The following FBXL15 variants were observed in gnomAD, a reference collection of about 807,000 sequenced individuals.
FBXL15 encodes the protein F-box and leucine rich repeat protein 15, also known as F-box/LRR-repeat protein 15.
In FBXL15, 19 loss-of-function variants were observed where a neutral mutation model predicts 23.6. The ratio of observed to expected loss-of-function variants is 0.81; its 90% confidence interval spans 0.56 to 1.18. FBXL15 has a LOEUF of 1.18. FBXL15 is among the 50% of genes most tolerant of loss of function. The pLI, the probability that FBXL15 is intolerant of heterozygous loss-of-function variation, is 0.00. For missense variants in FBXL15, 385 were observed against 425.4 expected, an observed-to-expected ratio of 0.91 and a Z score of 0.83; for synonymous variants, 224 against 207.7, an observed-to-expected ratio of 1.08 and a Z score of -0.67.
chr10:102,422,671 C>T (rs1028598894), intron 3 of FBXL15, 133 bp from the exon 4 acceptor site: 5 of 975,298 alleles, frequency 5.1e-6, no homozygotes, highest in Non-Finnish European at 7.4e-6. Flanking sequence ...AAAAGTATGC[C>T]CCTGCCCCGA....
In FBXL15 at chr10:102,421,367, C is replaced by T. The variant is rs1251508086; in HGVS notation, c.67C>T (p.Pro23Ser). The change falls in exon 2 of 4, where the codon CCC becomes TCC. Residue 23 changes from proline (P) to serine (S), a missense_variant. Physicochemically the swap from Pro to Ser is moderately conservative, Grantham distance 74. Around this residue, in one of 2 missense-constraint regions of FBXL15, gnomAD observed 130 missense variants for 95.1 expected, o/e 1.37. Coordinates refer to ENST00000369956, the MANE Select transcript of FBXL15 (RefSeq NM_024326.4). ...EPGAVRFLDL[P>S]WEDVLLPHVL... ...CTTTACTCGCAGGTTCCTGGACCTG[C>T]CCTGGGAAGACGTGCTGCTCCCACA... is the stretch of plus-strand genomic sequence containing the variant. 6.4e-7 allele frequency: 1 copy of T among 1,560,988 alleles called. No individual in the cohort carries two copies. Among genetic ancestry groups the T allele is most frequent in the Non-Finnish European group, 8.7e-7 (1 of 1,153,020 alleles).
rs1565233428 is a variant in FBXL15 at position 102,421,004 on chromosome 10, C to A, written c.-126C>A. On this transcript the variant is annotated 5_prime_UTR_variant, in exon 1 of 4. Coordinates refer to ENST00000369956, the MANE Select transcript of FBXL15 (RefSeq NM_024326.4). Reference sequence around the variant, plus strand: ...GGGTCCACCCGAAAAGCTTTCAGATCGGATCCTCGGTGAGACGGCACTCGA... The same window carrying A: ...GGGTCCACCCGAAAAGCTTTCAGATAGGATCCTCGGTGAGACGGCACTCGA... 1.9e-6 allele frequency: 3 copies of A among 1,542,222 alleles called. No individual in the cohort carries two copies. Among genetic ancestry groups the A allele is most frequent in the South Asian group, 2.4e-5 (2 of 82,954 alleles).
chr10:102,422,752 A>G, intron 3 of FBXL15, 52 bp from the exon 4 acceptor site: 12 of 1,543,822 alleles, frequency 7.8e-6, no homozygotes, highest in Non-Finnish European at 9.6e-6. Context: ...ACCTTACCCC[A>G]CCAAAGGTGT....
intron 3 of FBXL15, 124 bp downstream of exon 3, chr10:102,422,416 A>G (rs2061575056): frequency 1.6e-6 from 2 of 1,213,942 alleles, no homozygotes; most frequent in Non-Finnish European, 2.2e-6. Flanking sequence ...CAGCACCCCC[A>G]TTCTGAACAG....
At position 102,422,285 on chromosome 10, in the gene FBXL15, G is replaced by C. The variant is rs778208481; in HGVS notation, c.706G>C (p.Gly236Arg). Residue 236 changes from glycine (G) to arginine (R), a missense_variant, in exon 3 of 4, where the codon GGT becomes CGT. Gly to Arg is a moderately radical substitution (Grantham distance 125). Transcript: ENST00000369956. The stretch of plus-strand genomic sequence containing the variant: ...CGGCTGCCTCCGCGTCGGAAGCGAC[G>C]GTGTCAGGTGCCTGGGCCTGATAGG... Reference protein sequence around the residue: ...LTGCLRVGSDGVRTLAEYCPV... With the variant: ...LTGCLRVGSDRVRTLAEYCPV... The C allele has an allele frequency of 5.2e-5, 78 of 1,497,206 alleles. No individual in the cohort carries two copies. The highest frequency in any genetic ancestry group is 6.9e-5 in the Non-Finnish European group (78 of 1,124,000). The allele number at this position is 1,497,206 out of a possible 1,614,324, so 92.7% of individuals were successfully genotyped here.
chr10:102,420,988 C>G lies in FBXL15; in HGVS notation c.-142C>G. 2 of 1,533,940 alleles carry G rather than the reference C, an allele frequency of 1.3e-6. No individual in the cohort carries two copies. Among genetic ancestry groups the G allele is most frequent in the Non-Finnish European group, 1.8e-6 (2 of 1,137,868 alleles). On this transcript the variant is annotated 5_prime_UTR_variant, in exon 1 of 4. Transcript: ENST00000369956. Reference sequence around the variant, plus strand: ...TTCCGCCTCCGTTTCGGGGTCCACCCGAAAAGCTTTCAGATCGGATCCTCG... The same window carrying G: ...TTCCGCCTCCGTTTCGGGGTCCACCGGAAAAGCTTTCAGATCGGATCCTCG...
rs751173548 is a variant in FBXL15 at position 102,422,129 on chromosome 10, A to G, written c.550A>G (p.Ile184Val). The G allele has an allele frequency of 3.2e-6, 5 of 1,558,516 alleles. No homozygotes were observed. Among genetic ancestry groups the G allele is most frequent in the Non-Finnish European group, 4.3e-6 (5 of 1,152,096 alleles). The change falls in exon 3 of 4, where the codon ATC becomes GTC. Residue 184 changes from isoleucine (I) to valine (V), a missense_variant. Around this residue, in one of 2 missense-constraint regions of FBXL15, gnomAD observed 255 missense variants for 330.2 expected, o/e 0.77. Transcript: ENST00000369956. ...CTGCCGCCAGCTCAAGGACGAGGCC[A>G]TCGTGTACCTGGCGCAGAGGCGCGG... ...TACRQLKDEA[I>V]VYLAQRRGAG...
At position 102,421,514 on chromosome 10, in the gene FBXL15, C is replaced by G; in HGVS notation, c.207+7C>G. The G allele has an allele frequency of 6.9e-7, 1 of 1,457,144 alleles. No individual in the cohort carries two copies. Among genetic ancestry groups the G allele is most frequent in the Non-Finnish European group, 9.0e-7 (1 of 1,107,320 alleles). 90.3% of individuals were successfully genotyped at this position (1,457,144 alleles called of 1,614,324 possible). A position where few individuals can be genotyped will look rare whatever the true frequency, so the allele number is the denominator to read the frequency against. On this transcript the variant is annotated splice_region_variant and intron_variant, in intron 2 of 3. Transcript: ENST00000369956. ...TCGCTTCGATGCCGCGCAGGTGAGC[C>G]GGGGGCTGAAGCCCCGCCCCTGCCT...
chr10:102,421,433 C>T lies in FBXL15; in HGVS notation c.133C>T (p.Gln45Ter), dbSNP rs776466378. The change falls in exon 2 of 4, where the codon CAG becomes TAG. Residue 45 changes from glutamine (Q) to a stop codon, truncating the protein, a stop_gained. Transcript: ENST00000369956. LOFTEE classifies it high-confidence loss of function. ...CCCGCTGCGCCAGCTGCTCCGGCTG[C>T]AGCGCGTTAGCCGGGCCTTCCGGTC... is the stretch of plus-strand genomic sequence containing the variant. ...RVPLRQLLRLQRVSRAFRSLV... is the reference protein window; with the variant it reads ...RVPLRQLLRL 3 of 1,554,290 alleles carry T rather than the reference C, an allele frequency of 1.9e-6. No individual in the cohort carries two copies. The highest frequency in any genetic ancestry group is 3.8e-5 in the Admixed American group (2 of 53,022).
chr10:102,423,050 G>C lies in FBXL15; in HGVS notation c.*57G>C. The C allele has an allele frequency of 6.8e-7, 1 of 1,465,922 alleles. No homozygotes were observed. Among genetic ancestry groups the C allele is most frequent in the Non-Finnish European group, 9.1e-7 (1 of 1,096,978 alleles). The allele number at this position is 1,465,922 out of a possible 1,614,324, so 90.8% of individuals were successfully genotyped here. A position where few individuals can be genotyped will look rare whatever the true frequency, so the allele number is the denominator to read the frequency against. On this transcript the variant is annotated 3_prime_UTR_variant, in exon 4 of 4. Transcript: ENST00000369956. The surrounding 1 kb of genome is among the most constrained non-coding windows in gnomAD (Gnocchi z 5.6). ...TGTGGCTGGGGCCTGACACTGAGCT[G>C]TAGGGAAACTGAACTGTGAGGACCT...
chr10:102,422,058 G>T lies in FBXL15; in HGVS notation c.479G>T (p.Gly160Val). ...TGGGTGGACGGGCTGGCGCTGCGCGGCCTCGCTGATCGCTGCCCGGCCCTG... is the reference window on the plus strand; with the variant it reads ...TGGGTGGACGGGCTGGCGCTGCGCGTCCTCGCTGATCGCTGCCCGGCCCTG... ...CDWVDGLALR[G>V]LADRCPALEE... The change falls in exon 3 of 4, where the codon GGC becomes GTC. Residue 160 changes from glycine (G) to valine (V), a missense_variant. Coordinates refer to ENST00000369956, the MANE Select transcript of FBXL15 (RefSeq NM_024326.4). 1.3e-6 allele frequency: 2 copies of T among 1,590,544 alleles called. No individual in the cohort carries two copies. The highest frequency in any genetic ancestry group is 1.1e-5 in the South Asian group (1 of 89,348).
chr10:102,421,652 G>C lies in FBXL15; in HGVS notation c.208-135G>C. On this transcript the variant is annotated intron_variant, in intron 2 of 3. Coordinates refer to ENST00000369956, the MANE Select transcript of FBXL15 (RefSeq NM_024326.4). ...TCCACGCACCAAAGGGCAAATACTCGGTAGCGACTCAGAGGGAAAGTGGGG... is the reference window on the plus strand; with the variant it reads ...TCCACGCACCAAAGGGCAAATACTCCGTAGCGACTCAGAGGGAAAGTGGGG... 5 of 1,431,834 alleles carry C rather than the reference G, an allele frequency of 3.5e-6. No homozygotes were observed. The South Asian group carries it at 4.3e-5, about 12-fold the overall frequency. 88.7% of individuals were successfully genotyped at this position (1,431,834 alleles called of 1,614,324 possible). A position where few individuals can be genotyped will look rare whatever the true frequency, so the allele number is the denominator to read the frequency against.
At chr10:102,422,549 G>T (rs2061576363) in intron 3 of FBXL15, among the ~76,000 whole-genome samples, 1 of 152,206 alleles carries the variant, frequency 6.6e-6, no homozygotes, top group Admixed American at 6.5e-5. Context: ...CAACAAGGGG[G>T]AGATCTTGCA....
rs756609921 is a variant in FBXL15 at position 102,421,491 on chromosome 10, G to C, written c.191G>C (p.Arg64Pro). The change falls in exon 2 of 4, where the codon CGC (arginine) becomes CCC (proline). Residue 64 changes from arginine (R) to proline (P), a missense_variant. Coordinates refer to ENST00000369956, the MANE Select transcript of FBXL15 (RefSeq NM_024326.4). ...CAGCTTCACCTGGCCGGGCTGCGTC[G>C]CTTCGATGCCGCGCAGGTGAGCCGG... ...LVQLHLAGLR[R>P]FDAAQVGPQI... is the part of the protein sequence containing the mutation. 2 of 1,479,944 alleles carry C rather than the reference G, an allele frequency of 1.4e-6. No individual in the cohort carries two copies. Among genetic ancestry groups the C allele is most frequent in the Non-Finnish European group, 1.8e-6 (2 of 1,117,086 alleles). 91.7% of individuals were successfully genotyped at this position (1,479,944 alleles called of 1,614,324 possible).
chr10:102,422,820 T>G lies in FBXL15; in HGVS notation c.730T>G (p.Cys244Gly), dbSNP rs770194581. 1 of 1,606,046 alleles carries G rather than the reference T, an allele frequency of 6.2e-7. No homozygotes were observed. The highest frequency in any genetic ancestry group is 2.2e-5 in the East Asian group (1 of 44,870). Residue 244 changes from cysteine to glycine, a missense_variant, in exon 4 of 4, where the codon TGC becomes GGC. Cys to Gly is a radical substitution (Grantham distance 159). Transcript: ENST00000369956. ...SDGVRTLAEYCPVLRSLRVRH... is the reference protein window; with the variant it reads ...SDGVRTLAEYGPVLRSLRVRH... ...CTCCCTCAGGACATTGGCCGAGTAC[T>G]GCCCCGTGCTGCGTTCGCTGCGGGT...
chr10:102,422,673 C>A, intron 3 of FBXL15, 131 bp from the exon 4 acceptor site: 1 of 998,578 alleles, frequency 1.0e-6, no homozygotes, highest in Non-Finnish European at 1.4e-6. Flanking sequence ...AAGTATGCCC[C>A]TGCCCCGAGC....
chr10:102,421,231 G>T, intron 1 of FBXL15, 49 bp downstream of exon 1: 1 of 1,590,398 alleles, frequency 6.3e-7, no homozygotes, highest in East Asian at 2.3e-5. Context: ...TGAGGGAGGG[G>T]AGCCGAGCCG....
Position 102,423,020 on chromosome 10 carries a change from G to C in FBXL15, c.*27G>C. The C allele has an allele frequency of 6.6e-7, 1 of 1,513,832 alleles. No homozygotes were observed. Among genetic ancestry groups the C allele is most frequent in the South Asian group, 1.3e-5 (1 of 77,406 alleles). The allele number at this position is 1,513,832 out of a possible 1,614,324, so 93.8% of individuals were successfully genotyped here. ...CCGCCTGCCAATCGGAGCACAGCTG[G>C]ACTGTGTGGCTGGGGCCTGACACTG... On this transcript the variant is annotated 3_prime_UTR_variant, in exon 4 of 4. Coordinates refer to ENST00000369956, the MANE Select transcript of FBXL15 (RefSeq NM_024326.4). This position sits in a 1 kb window ranked among gnomAD's most constrained non-coding sequence, Gnocchi z 5.6.
intron 2 of FBXL15, 81 bp downstream of exon 2, chr10:102,421,588 T>G: frequency 7.0e-7 from 1 of 1,432,082 alleles, no homozygotes; most frequent in Non-Finnish European, 9.1e-7. Flanking sequence ...AGTATGCCCT[T>G]CTGGACCCCC....
Sources: allele counts gnomAD v4.1 joint callset (sites outside exome capture counted in the v4.1 genomes callset), GRCh38; gene constraint gnomAD v4.1.1; regional missense constraint gnomAD v4.1.1; non-coding constraint Gnocchi (gnomAD v3.1); transcripts MANE v1.5; gene names NCBI Gene and HGNC (gene_info 2026-07-23, HGNC 2026-07-21).